The following OSBPL10 variants were observed in gnomAD, a reference collection of about 807,000 sequenced individuals.
OSBPL10 encodes oxysterol binding protein like 10.
OSBPL10 carries 49 observed loss-of-function variants against 81.7 expected under a neutral mutation model. That is an observed-to-expected ratio of 0.60 (90% CI 0.48 to 0.76). OSBPL10 has a LOEUF of 0.76. Ranked by LOEUF, OSBPL10 falls within the 30% of genes least tolerant of loss-of-function variation. OSBPL10 has a pLI of 0.00. For missense variants in OSBPL10, 923 were observed against 987.8 expected (o/e 0.93, Z 0.88); for synonymous variants, 419 against 383.6 (o/e 1.09, Z -1.08).
intron 1 of OSBPL10, among the ~76,000 whole-genome samples, chr3:32,057,350 T>A (rs1159605344): frequency 6.6e-6 from 1 of 152,144 alleles, no homozygotes; most frequent in Non-Finnish European, 1.5e-5. Context: ...CCCCTTTCCA[T>A]AACAGTCATG....
intron 2 of OSBPL10, among the ~76,000 whole-genome samples, chr3:32,005,937 T>C (rs1290891375): frequency 6.6e-6 from 1 of 151,782 alleles, no homozygotes; most frequent in African/African-American, 2.4e-5. Flanking sequence ...TTATTTATTT[T>C]ATTTTTTATT....
At chr3:31,871,335 G>A (rs1017367109) in intron 3 of OSBPL10, among the ~76,000 whole-genome samples, 1 of 151,938 alleles carries the variant, frequency 6.6e-6, no homozygotes, top group South Asian at 2.1e-4. Flanking sequence ...TCACTACGAA[G>A]GACTGCAGCT....
chr3:31,926,290 C>CCCCCCCCCT (rs1553641099), intron 1 of OSBPL10, among the ~76,000 whole-genome samples: 8 of 45,430 alleles, frequency 1.8e-4, no homozygotes, highest in African/African-American at 6.8e-4. Context: ...GGTGATTTTG[C>CCCCCCCCCT]CCCCCCAGAG....
At chr3:31,689,903 C>G (rs992958197) in intron 7 of OSBPL10, among the ~76,000 whole-genome samples, 5 of 151,970 alleles carry the variant, frequency 3.3e-5, no homozygotes, top group Non-Finnish European at 5.9e-5. Context: ...GTTACACACA[C>G]ATATACATGT....
chr3:31,841,119 G>A (rs1700483346), intron 3 of OSBPL10, among the ~76,000 whole-genome samples: 1 of 152,170 alleles, frequency 6.6e-6, no homozygotes, highest in Non-Finnish European at 1.5e-5. Context: ...TGTTGGTCAG[G>A]CTGGTCTCAA....
chr3:31,840,888 C>CTTG (rs1164665938), intron 3 of OSBPL10, among the ~76,000 whole-genome samples: 2 of 151,968 alleles, frequency 1.3e-5, no homozygotes, highest in Non-Finnish European at 2.9e-5. Flanking sequence ...CTAAGTTAGG[C>CTTG]TTCTTGTTGT....
intron 3 of OSBPL10, among the ~76,000 whole-genome samples, chr3:31,837,573 T>C (rs1429000721): frequency 6.6e-6 from 1 of 150,504 alleles, no homozygotes; most frequent in Non-Finnish European, 1.5e-5. Context: ...AGAATTCCAC[T>C]ACCACTGTTT....
At chr3:31,684,252 C>T in intron 7 of OSBPL10, 138 bp from the exon 8 acceptor site, 1 of 1,158,126 alleles carries the variant, frequency 8.6e-7, no homozygotes, top group Admixed American at 2.7e-5. Context: ...GACTTGTGCA[C>T]ACATGACAAA....
At chr3:31,879,591 A>T (rs2125637723) in intron 2 of OSBPL10, 64 bp downstream of exon 2, 2 of 1,506,638 alleles carry the variant, frequency 1.3e-6, no homozygotes, top group East Asian at 2.3e-5. Flanking sequence ...AAATCAAAAA[A>T]CAAGAGAGCC....
chr3:31,925,154 T>C (rs1298109906), intron 1 of OSBPL10, among the ~76,000 whole-genome samples: 1 of 152,132 alleles, frequency 6.6e-6, no homozygotes, highest in East Asian at 1.9e-4. Context: ...GCATTCAACA[T>C]ATAGAACAGA....
chr3:31,798,588 T>C (rs1699299216), intron 4 of OSBPL10, among the ~76,000 whole-genome samples: 1 of 152,174 alleles, frequency 6.6e-6, no homozygotes, highest in African/African-American at 2.4e-5. Flanking sequence ...ATTTTACCTG[T>C]TTCTTACTTT....
At chr3:31,997,173 C>T (rs1197665085) in intron 2 of OSBPL10, among the ~76,000 whole-genome samples, 1 of 152,094 alleles carries the variant, frequency 6.6e-6, no homozygotes, top group African/African-American at 2.4e-5. Context: ...GATTTATGTG[C>T]ACAGCAGAGC....
intron 1 of OSBPL10, among the ~76,000 whole-genome samples, chr3:32,050,214 T>C (rs1699658627): frequency 6.6e-6 from 1 of 152,220 alleles, no homozygotes; most frequent in Non-Finnish European, 1.5e-5. Flanking sequence ...CTTGAGCAGT[T>C]AAAAGCCATT....
In OSBPL10 at chr3:32,054,554, C is replaced by T. The variant is rs1471839050; in HGVS notation, n.186-7951G>A. Among the ~76,000 whole-genome samples the T allele has an allele frequency of 8.3e-4, 39 of 46,902 alleles. 1 individual carries two copies. In the East Asian group the frequency reaches 0.025, roughly 30 times the overall value. 30.8% of individuals were successfully genotyped at this position (46,902 alleles called of 152,430 possible). A position where few individuals can be genotyped will look rare whatever the true frequency, so the allele number is the denominator to read the frequency against. ...TTTTTTTTTTTTTTTTTTTTTGAGA[C>T]GGAGTCTCACTCTGTCACCCAGGCT... On this transcript the variant is annotated intron_variant and non_coding_transcript_variant, in intron 1 of 3. Transcript: ENST00000479173.
intron 6 of OSBPL10, among the ~76,000 whole-genome samples, chr3:31,716,380 G>A (rs1696434863): frequency 6.6e-6 from 1 of 152,120 alleles, no homozygotes; most frequent in Non-Finnish European, 1.5e-5. Context: ...CAGATCTCTA[G>A]GACTTTTTCA....
rs1012130912 is a variant in OSBPL10, at chr3:31,880,454, G to C, written c.282-624C>G. Among the ~76,000 whole-genome samples, 8 of 151,928 alleles carry C rather than the reference G, an allele frequency of 5.3e-5. 1 individual carries two copies. Among genetic ancestry groups the C allele is most frequent in the Non-Finnish European group, 7.4e-5 (5 of 68,014 alleles). ...CTCTACATCCATGGTAAAAGAAGAAGAACTCCAATTTGCTTAAATCACACA... is the reference window on the plus strand; with the variant it reads ...CTCTACATCCATGGTAAAAGAAGAACAACTCCAATTTGCTTAAATCACACA... On this transcript the variant is annotated intron_variant, in intron 1 of 11. Transcript: ENST00000396556.
chr3:31,840,087 T>C (rs549119892), intron 3 of OSBPL10, among the ~76,000 whole-genome samples: 1 of 151,688 alleles, frequency 6.6e-6, no homozygotes, highest in South Asian at 2.1e-4. Context: ...TCACGTCTCA[T>C]TGTAATCGAC....
At chr3:31,688,086 A>G (rs1351221059) in intron 7 of OSBPL10, among the ~76,000 whole-genome samples, 1 of 151,968 alleles carries the variant, frequency 6.6e-6, no homozygotes, top group East Asian at 1.9e-4. Context: ...GTTGCAATGA[A>G]GGAAGGGCGT....
rs1442085648 is a variant in OSBPL10, at chr3:32,063,885, C to CT, written n.185+13510dup. The CT allele has an allele frequency of 5.3e-5, 5 of 93,672 alleles. 2 individuals carry two copies. The highest frequency in any genetic ancestry group is 1.4e-4 in the Non-Finnish European group (5 of 34,842). 5.8% of individuals were successfully genotyped at this position (93,672 alleles called of 1,614,324 possible). A position where few individuals can be genotyped will look rare whatever the true frequency, so the allele number is the denominator to read the frequency against. ...GTGGAACCGTGAGTCAATTAAACCT[C>CT]TTTTCTTTGTAAATTACCCAGTCTC... On this transcript the variant is annotated intron_variant and non_coding_transcript_variant, in intron 1 of 3. Coordinates refer to the OSBPL10 transcript ENST00000479173.
Sources: gnomAD v4.1 joint callset for allele counts (sites outside exome capture counted in the v4.1 genomes callset) on GRCh38, gnomAD v4.1.1 for gene constraint, MANE v1.5 for transcripts, NCBI Gene and HGNC (gene_info 2026-07-23, HGNC 2026-07-21) for gene names.